The following NCKAP5 variants were observed in gnomAD, a reference collection of about 807,000 sequenced individuals.
NCKAP5 encodes NCK associated protein 5.
In NCKAP5, 92 loss-of-function variants were observed where a neutral mutation model predicts 167.0. That is an observed-to-expected ratio of 0.55 (90% CI 0.47 to 0.66). The LOEUF (loss-of-function observed/expected upper bound fraction) is 0.66. Ranked by LOEUF, NCKAP5 falls within the 30% of genes least tolerant of loss-of-function variation. The pLI is 0.00. For synonymous variants in NCKAP5, 891 were observed against 877.4 expected, an observed-to-expected ratio of 1.02 and a Z score of -0.27; for missense variants, 2,378 against 2,315.0, an observed-to-expected ratio of 1.03 and a Z score of -0.56.
chr2:132,754,948 C>T (rs984124834), intron 16 of NCKAP5, among the ~76,000 whole-genome samples: 4 of 152,190 alleles, frequency 2.6e-5, no homozygotes, highest in African/African-American at 9.6e-5. Flanking sequence ...AAATGGAAAG[C>T]CCATGTATTC....
intron 19 of NCKAP5, among the ~76,000 whole-genome samples, chr2:132,677,955 A>G (rs1384769188): frequency 1.3e-5 from 2 of 152,166 alleles, no homozygotes; most frequent in African/African-American, 4.8e-5. Flanking sequence ...TCCAAGTGAA[A>G]TTAGACCTTA....
At chr2:133,332,407 T>G (rs567369540) in intron 3 of NCKAP5, among the ~76,000 whole-genome samples, 1 of 152,178 alleles carries the variant, frequency 6.6e-6, no homozygotes, top group African/African-American at 2.4e-5. Flanking sequence ...AAACCAATAC[T>G]TAAGAGCATA....
chr2:133,156,819 C>T (rs893826503), intron 5 of NCKAP5, among the ~76,000 whole-genome samples: 8 of 152,150 alleles, frequency 5.3e-5, no homozygotes, highest in African/African-American at 1.9e-4. Flanking sequence ...CTCTATTTAA[C>T]AGCTTCTTAT....
At chr2:133,312,604 C>G (rs1408197435) in intron 3 of NCKAP5, among the ~76,000 whole-genome samples, 1 of 152,154 alleles carries the variant, frequency 6.6e-6, no homozygotes, top group African/African-American at 2.4e-5. Context: ...AACGGTGAAG[C>G]CTTGGGCTCA....
At chr2:133,358,630 C>T (rs1684897314) in intron 3 of NCKAP5, among the ~76,000 whole-genome samples, 1 of 152,092 alleles carries the variant, frequency 6.6e-6, no homozygotes, top group Non-Finnish European at 1.5e-5. Flanking sequence ...TGTTCTTTTG[C>T]CCATCTCCAT....
intron 8 of NCKAP5, among the ~76,000 whole-genome samples, chr2:132,918,085 A>C (rs1249287883): frequency 6.6e-6 from 1 of 152,234 alleles, no homozygotes; most frequent in Non-Finnish European, 1.5e-5. Flanking sequence ...CTAATGGACT[A>C]TAATGGGCTC....
intron 6 of NCKAP5, among the ~76,000 whole-genome samples, chr2:133,041,337 G>A (rs573464381): frequency 6.6e-6 from 1 of 152,266 alleles, no homozygotes; most frequent in South Asian, 2.1e-4. Flanking sequence ...CACAAAGCCA[G>A]ACACTATAAT....
chr2:133,179,242 T>G (rs1359320694), intron 5 of NCKAP5, among the ~76,000 whole-genome samples: 1 of 152,150 alleles, frequency 6.6e-6, no homozygotes, highest in East Asian at 1.9e-4. Context: ...GTTTTTTTTT[T>G]TTTTTGGATT....
At chr2:132,886,948 A>G (rs1314249039) in intron 8 of NCKAP5, among the ~76,000 whole-genome samples, 37 of 152,200 alleles carry the variant, frequency 2.4e-4, no homozygotes, top group Admixed American at 2.4e-3. Flanking sequence ...CAAATATTTC[A>G]AAATCTGAAA....
intron 3 of NCKAP5, among the ~76,000 whole-genome samples, chr2:133,473,933 T>C (rs931944538): frequency 1.3e-5 from 2 of 152,106 alleles, no homozygotes; most frequent in African/African-American, 4.8e-5. Flanking sequence ...CCATTTAAAG[T>C]ACTGTATGAT....
rs190828223 is a variant in NCKAP5, at chr2:133,140,514, A to T, written c.208-10403T>A. ...GTTATGGAGGATTCCAAGATTTTTCATCCTCCCATCTACGCTCTAGTCTTG... is the reference window on the plus strand; with the variant it reads ...GTTATGGAGGATTCCAAGATTTTTCTTCCTCCCATCTACGCTCTAGTCTTG... On this transcript the variant is annotated intron_variant, in intron 5 of 19. Transcript: ENST00000409261. Among the ~76,000 whole-genome samples, 82 of 152,142 alleles carry T rather than the reference A, an allele frequency of 5.4e-4. 1 individual carries two copies. Among genetic ancestry groups the T allele is most frequent in the South Asian group, 2.5e-3 (12 of 4,822 alleles).
At chr2:133,177,410 G>A (rs1457787575) in intron 5 of NCKAP5, among the ~76,000 whole-genome samples, 1 of 152,064 alleles carries the variant, frequency 6.6e-6, no homozygotes, top group African/African-American at 2.4e-5. Flanking sequence ...GGGGTGTGGG[G>A]AGGGGATCCA....
intron 3 of NCKAP5, among the ~76,000 whole-genome samples, chr2:133,331,969 C>A (rs1323284979): frequency 2.0e-5 from 3 of 152,164 alleles, no homozygotes; most frequent in African/African-American, 7.2e-5. Context: ...TCAGGAATTA[C>A]AATTCTTCCT....
At chr2:132,797,573 A>T (rs1252074771) in intron 11 of NCKAP5, among the ~76,000 whole-genome samples, 4 of 152,216 alleles carry the variant, frequency 2.6e-5, no homozygotes, top group Non-Finnish European at 5.9e-5. Context: ...GATGCTAAAA[A>T]AAAATCTAAT....
At chr2:133,609,257 A>T in the NCKAP5 span, among the ~76,000 whole-genome samples, 21 of 152,062 alleles carry the variant, frequency 1.4e-4, no homozygotes, top group Admixed American at 1.2e-3. Flanking sequence ...GCTTTTTGAG[A>T]AAAAAAATAT....
intron 3 of NCKAP5, among the ~76,000 whole-genome samples, chr2:133,459,413 T>A (rs1470806873): frequency 6.6e-6 from 1 of 152,104 alleles, no homozygotes; most frequent in Non-Finnish European, 1.5e-5. Context: ...TATATGAGTG[T>A]AAGGTTCTTA....
chr2:132,689,798 T>C (rs538403976), intron 19 of NCKAP5, among the ~76,000 whole-genome samples: 2 of 152,290 alleles, frequency 1.3e-5, no homozygotes, highest in South Asian at 2.1e-4. Flanking sequence ...TATTTATACA[T>C]GGGAAATATT....
At chr2:132,837,163 C>T (rs1159335098) in intron 11 of NCKAP5, among the ~76,000 whole-genome samples, 1 of 152,138 alleles carries the variant, frequency 6.6e-6, no homozygotes, top group Admixed American at 6.5e-5. Flanking sequence ...CCTGGCTGTC[C>T]TGTAGCTGTC....
At chr2:132,894,873 C>A (rs996442799) in intron 8 of NCKAP5, among the ~76,000 whole-genome samples, 2 of 152,080 alleles carry the variant, frequency 1.3e-5, no homozygotes, top group African/African-American at 4.8e-5. Flanking sequence ...AGGCTCGCAG[C>A]CTCCTGCCGT....
Sources: allele counts gnomAD v4.1 joint callset (sites outside exome capture counted in the v4.1 genomes callset), GRCh38; gene constraint gnomAD v4.1.1; transcripts MANE v1.5; gene names NCBI Gene and HGNC (gene_info 2026-07-23, HGNC 2026-07-21).